Variants in SUGP2 observed in about 807,000 individuals in gnomAD.
SUGP2 encodes the protein SURP and G-patch domain containing 2.
In SUGP2, 24 loss-of-function variants were observed where a neutral mutation model predicts 90.5. That is an observed-to-expected ratio of 0.27 (90% CI 0.19 to 0.37). The LOEUF is 0.37. Among genes scored for constraint, SUGP2 ranks in the 10% least tolerant of loss-of-function variants. The pLI is 1.00. For missense variants in SUGP2, 1,233 were observed against 1,363.3 expected, an observed-to-expected ratio of 0.90 and a Z score of 1.51; for synonymous variants, 473 against 513.4, an observed-to-expected ratio of 0.92 and a Z score of 1.06.
intron 8 of SUGP2, among the ~76,000 whole-genome samples, chr19:18,995,903 G>A (rs889485784): frequency 1.3e-5 from 2 of 152,146 alleles, no homozygotes; most frequent in Non-Finnish European, 2.9e-5. Context: ...GGGTGGTGGG[G>A]AAGTGCAGCA....
intron 1 of SUGP2, among the ~76,000 whole-genome samples, chr19:19,032,451 C>T (rs920548820): frequency 6.6e-6 from 1 of 152,160 alleles, no homozygotes; most frequent in Non-Finnish European, 1.5e-5. Context: ...TGAGCCACTG[C>T]GCCTGGCCCA....
chr19:18,995,106 G>A (rs772199256), intron 9 of SUGP2, 38 bp downstream of exon 9: 2 of 1,584,886 alleles, frequency 1.3e-6, no homozygotes, highest in Admixed American at 3.4e-5. Context: ...AAGGACTGAG[G>A]CCCCACCCAC....
In SUGP2 at chr19:19,002,505, GTTTTTTTTTTTTT is replaced by G. The variant is rs58282570; in HGVS notation, c.2930-844_2930-832del. ...TTATGAAAGGGAGATTAGCAAGTCT[GTTTTTTTTTTTTT>G]TTTTTTTTTTTTGAGACACAGTTTC... is the stretch of plus-strand genomic sequence containing the variant. On this transcript the variant is annotated intron_variant, in intron 7 of 10. Coordinates refer to ENST00000452918, the MANE Select transcript of SUGP2 (RefSeq NM_001017392.5). Among the ~76,000 whole-genome samples the G allele has an allele frequency of 1.1e-4, 7 of 61,102 alleles. No homozygotes were observed. In the Admixed American group the frequency reaches 1.3e-3, roughly 11 times the overall value. 40.1% of individuals were successfully genotyped at this position (61,102 alleles called of 152,430 possible).
rs1447226581 is a variant in SUGP2 at position 19,015,185 on chromosome 19, G to A, written c.1850+3924C>T. Among the ~76,000 whole-genome samples, 10 of 149,848 alleles carry A rather than the reference G, an allele frequency of 6.7e-5. No homozygotes were observed. The South Asian group carries it at 1.7e-3, about 26-fold the overall frequency. On this transcript the variant is annotated intron_variant, in intron 4 of 10. Transcript: ENST00000452918. ...CCACTGCACTCCAGCCTGGGGGACA[G>A]AGCGAGACTCTGTCTCAAAAAATAA...
chr19:19,014,466 C>T (rs1347599664), intron 4 of SUGP2, among the ~76,000 whole-genome samples: 8 of 152,084 alleles, frequency 5.3e-5, no homozygotes, highest in East Asian at 3.9e-4. Context: ...CTTCTTATAT[C>T]TGCCTCCTAG....
rs1440306571 is a variant in SUGP2, at chr19:19,033,459, C to T, written c.-34G>A. On this transcript the variant is annotated 5_prime_UTR_variant, in exon 1 of 11. Transcript: ENST00000452918. ...CACCCCGAGACCACCGCGCGCGGAG[C>T]CACCCCCGCCGCCGCCTCAGGCTCC... 6 of 1,398,438 alleles carry T rather than the reference C, an allele frequency of 4.3e-6. No homozygotes were observed. Among genetic ancestry groups the T allele is most frequent in the Admixed American group, 2.9e-5 (1 of 34,430 alleles). 86.6% of individuals were successfully genotyped at this position (1,398,438 alleles called of 1,614,324 possible). A position where few individuals can be genotyped will look rare whatever the true frequency, so the allele number is the denominator to read the frequency against.
intron 7 of SUGP2, among the ~76,000 whole-genome samples, chr19:19,001,880 G>A (rs1343785418): frequency 6.6e-6 from 1 of 152,210 alleles, no homozygotes; most frequent in East Asian, 1.9e-4. Flanking sequence ...GACACGCTCA[G>A]GGTAGGCAGC....
At chr19:19,021,267 A>G (rs2058717706) in intron 3 of SUGP2, among the ~76,000 whole-genome samples, 1 of 151,526 alleles carries the variant, frequency 6.6e-6, no homozygotes, top group Non-Finnish European at 1.5e-5. Flanking sequence ...TCTGTAAATG[A>G]TTGCATAGTC....
chr19:18,994,834 G>A (rs1305251771), intron 9 of SUGP2: 10 of 538,114 alleles, frequency 1.9e-5, no homozygotes, highest in African/African-American at 7.6e-5. Context: ...ATGGGTTCCC[G>A]GGAATGGGAA....
rs748650026 is a variant in SUGP2, at chr19:19,033,488, C to CCCGCCG, written c.-69_-64dup. 16 of 1,402,690 alleles carry CCCGCCG rather than the reference C, an allele frequency of 1.1e-5. 1 individual carries two copies. In the Admixed American group the frequency reaches 2.0e-4, roughly 17 times the overall value. The allele number at this position is 1,402,690 out of a possible 1,614,324, so 86.9% of individuals were successfully genotyped here. A position where few individuals can be genotyped will look rare whatever the true frequency, so the allele number is the denominator to read the frequency against. ...CCCCGCCGCCGCCTCAGGCTCCTCACCCGCCGCCGCCGCCGCGCGAGGCGG... is the reference window on the plus strand; with the variant it reads ...CCCCGCCGCCGCCTCAGGCTCCTCACCCGCCGCCGCCGCCGCCGCCGCGCGAGGCGG... On this transcript the variant is annotated 5_prime_UTR_variant, in exon 1 of 11. Coordinates refer to ENST00000452918, the MANE Select transcript of SUGP2 (RefSeq NM_001017392.5).
intron 3 of SUGP2, among the ~76,000 whole-genome samples, chr19:19,022,271 A>G (rs1434587951): frequency 2.0e-5 from 3 of 152,206 alleles, no homozygotes; most frequent in African/African-American, 7.2e-5. Context: ...GGCATGAGCC[A>G]CTGCGCCTGG....
At chr19:18,995,641 C>T (rs1051978692) in intron 8 of SUGP2, among the ~76,000 whole-genome samples, 1 of 152,136 alleles carries the variant, frequency 6.6e-6, no homozygotes, top group African/African-American at 2.4e-5. Context: ...GACCACAGGG[C>T]GCAGCCCAGG....
rs554119751 is a variant in SUGP2 at position 19,028,088 on chromosome 19, G to A, written c.122-1862C>T. On this transcript the variant is annotated intron_variant, in intron 2 of 10. Coordinates refer to ENST00000452918, the MANE Select transcript of SUGP2 (RefSeq NM_001017392.5). ...GCCAATGTAGACAGAAGGGAACACAGGGAATGAAAGGCCAAGTGGTAGGAA... is the reference window on the plus strand; with the variant it reads ...GCCAATGTAGACAGAAGGGAACACAAGGAATGAAAGGCCAAGTGGTAGGAA... 3.3e-5 allele frequency among the ~76,000 whole-genome samples: 5 copies of A among 152,294 alleles called. No homozygotes were observed. The South Asian group carries it at 1.0e-3, about 32-fold the overall frequency.
Position 19,019,124 on chromosome 19 carries a change from T to C in SUGP2, c.1835A>G (p.Glu612Gly). 1 of 1,613,992 alleles carries C rather than the reference T, an allele frequency of 6.2e-7. No homozygotes were observed. Among genetic ancestry groups the C allele is most frequent in the South Asian group, 1.1e-5 (1 of 91,080 alleles). Residue 612 changes from glutamate (E) to glycine (G), a missense_variant, in exon 4 of 11, where the codon GAG becomes GGG. Around this residue, in one of 8 missense-constraint regions of SUGP2, gnomAD observed 540 missense variants for 542.6 expected, o/e 1.00. Transcript: ENST00000452918. Reference protein sequence around the residue: ...LSPKERTLLKEDPAYWFLSDE... With the variant: ...LSPKERTLLKGDPAYWFLSDE... The stretch of plus-strand genomic sequence containing the variant: ...AAAGACCTACCAGTAAGCAGGGTCC[T>C]CTTTGAGAAGAGTTCTCTCTTTGGG...
At chr19:18,999,144 T>C (rs1340210545) in intron 8 of SUGP2, among the ~76,000 whole-genome samples, 1 of 152,182 alleles carries the variant, frequency 6.6e-6, no homozygotes, top group Non-Finnish European at 1.5e-5. Context: ...TCTTCGTGAA[T>C]GTTCAAATCT....
intron 6 of SUGP2, among the ~76,000 whole-genome samples, chr19:19,005,499 T>C (rs891937945): frequency 1.3e-5 from 2 of 152,004 alleles, no homozygotes; most frequent in African/African-American, 2.4e-5. Flanking sequence ...CCAAGCACTA[T>C]AAAATGCCCC....
At chr19:18,999,805 C>A (rs1269618290) in intron 8 of SUGP2, among the ~76,000 whole-genome samples, 2 of 152,224 alleles carry the variant, frequency 1.3e-5, no homozygotes, top group Non-Finnish European at 2.9e-5. Context: ...GCCCCCAGCA[C>A]TGTGTCCCCC....
rs2057512033 is a variant in SUGP2, at chr19:18,994,922, GC to G, written c.3128+221del. ...CACAAATGTGGCCAAAATGACCAGG[GC>G]CAACAAGCTGGTTAAAAAATCTACA... On this transcript the variant is annotated intron_variant, in intron 9 of 10. Coordinates refer to ENST00000452918, the MANE Select transcript of SUGP2 (RefSeq NM_001017392.5). 21 of 600,172 alleles carry G rather than the reference GC, an allele frequency of 3.5e-5. No individual in the cohort carries two copies. In the South Asian group the frequency reaches 4.1e-4, roughly 12 times the overall value. The allele number at this position is 600,172 out of a possible 1,614,324, so 37.2% of individuals were successfully genotyped here. A position where few individuals can be genotyped will look rare whatever the true frequency, so the allele number is the denominator to read the frequency against.
rs11434968 is a variant in SUGP2, at chr19:19,019,991, C to CAAAAAAAAAA, written c.1730-772_1730-763dup. Among the ~76,000 whole-genome samples the CAAAAAAAAAA allele has an allele frequency of 2.5e-3, 86 of 34,704 alleles. 1 individual carries two copies. The highest frequency in any genetic ancestry group is 3.3e-3 in the South Asian group (2 of 608). The allele number at this position is 34,704 out of a possible 152,430, so 22.8% of individuals were successfully genotyped here. A position where few individuals can be genotyped will look rare whatever the true frequency, so the allele number is the denominator to read the frequency against. Reference sequence around the variant, plus strand: ...GTGAAACTCCGTCTCTGCTAAAATACAAAAAAAAAAAAAAAAAAAAAAATT... The same window carrying CAAAAAAAAAA: ...GTGAAACTCCGTCTCTGCTAAAATACAAAAAAAAAAAAAAAAAAAAAAAAAAAAAAAAATT... On this transcript the variant is annotated intron_variant, in intron 3 of 10. Transcript: ENST00000452918.
Sources: allele counts gnomAD v4.1 joint callset (sites outside exome capture counted in the v4.1 genomes callset), GRCh38; gene constraint gnomAD v4.1.1; regional missense constraint gnomAD v4.1.1; transcripts MANE v1.5; gene names NCBI Gene and HGNC (gene_info 2026-07-23, HGNC 2026-07-21).